PHF20L1: variants seen among roughly 807,000 people sequenced by gnomAD.
PHF20L1 encodes PHD finger protein 20-like protein 1.
A neutral mutation model predicts 125.5 loss-of-function variants in PHF20L1; 44 were observed. The observed-to-expected ratio is 0.35, with a 90% CI of 0.28 to 0.45. The LOEUF is 0.45. Ranked by LOEUF, PHF20L1 falls within the 20% of genes least tolerant of loss-of-function variation. The pLI is 1.00. For missense variants in PHF20L1, 1,012 were observed against 1,217.2 expected (o/e 0.83, Z 2.51); for synonymous variants, 380 against 403.1 (o/e 0.94, Z 0.69).
intron 2 of PHF20L1, among the ~76,000 whole-genome samples, chr8:132,790,470 A>G (rs1831558395): frequency 6.6e-6 from 1 of 152,188 alleles, no homozygotes; most frequent in African/African-American, 2.4e-5. Context: ...TGTTTTCTGT[A>G]GAATAAAGGA....
At chr8:132,799,636 A>G (rs1388099072) in intron 6 of PHF20L1, 2 of 153,280 alleles carry the variant, frequency 1.3e-5, no homozygotes, top group East Asian at 3.8e-4. Context: ...CTAATATGGA[A>G]ATATGCTACG....
intron 1 of PHF20L1, among the ~76,000 whole-genome samples, chr8:132,775,979 A>G (rs907408618): frequency 6.6e-6 from 1 of 151,862 alleles, no homozygotes; most frequent in African/African-American, 2.4e-5. Context: ...ATTGCTTTAC[A>G]TTGTCGGTCT....
At chr8:132,788,410 CTT>C (rs1322753611) in intron 2 of PHF20L1, among the ~76,000 whole-genome samples, 1 of 152,060 alleles carries the variant, frequency 6.6e-6, no homozygotes, top group African/African-American at 2.4e-5. Context: ...TGATATGGTG[CTT>C]ATTCAAATAA....
chr8:132,843,163 T>A (rs1838100020), intron 19 of PHF20L1: 3 of 1,074,722 alleles, frequency 2.8e-6, no homozygotes, highest in Non-Finnish European at 3.4e-6. Flanking sequence ...AACCACATTG[T>A]ATTCAAAACG....
rs1832780376 is a variant in PHF20L1, at chr8:132,799,389, G to A, written c.507+217G>A. The A allele has an allele frequency of 1.0e-5, 4 of 390,972 alleles. No individual in the cohort carries two copies. In the Admixed American group the frequency reaches 1.1e-4, roughly 11 times the overall value. The allele number at this position is 390,972 out of a possible 1,614,324, so 24.2% of individuals were successfully genotyped here. ...CTCTGAGTCATGTGATGGAAGCAGTGTATTGTATGCTTTGTCACTGCTCAA... is the reference window on the plus strand; with the variant it reads ...CTCTGAGTCATGTGATGGAAGCAGTATATTGTATGCTTTGTCACTGCTCAA... On this transcript the variant is annotated intron_variant, in intron 6 of 20. Coordinates refer to ENST00000395386, the MANE Select transcript of PHF20L1 (RefSeq NM_016018.5).
chr8:132,807,650 CT>C, intron 8 of PHF20L1: 1 of 444,040 alleles, frequency 2.3e-6, no homozygotes, highest in Non-Finnish European at 4.5e-6. Context: ...AATGTAACCA[CT>C]TTGCTCTTTC....
At chr8:132,826,598 TAAA>T (rs1466397209) in intron 14 of PHF20L1, 1 of 151,986 alleles carries the variant, frequency 6.6e-6, no homozygotes, top group Non-Finnish European at 1.5e-5. Flanking sequence ...TATATAAAGA[TAAA>T]AAAGTTTTAA....
chr8:132,801,024 A>G (rs972406553), intron 6 of PHF20L1, among the ~76,000 whole-genome samples: 1 of 151,516 alleles, frequency 6.6e-6, no homozygotes, highest in African/African-American at 2.4e-5. Flanking sequence ...AAACTGACAT[A>G]TATTATAGGA....
At chr8:132,806,458 A>G (rs867407318) in intron 8 of PHF20L1, 1 of 152,040 alleles carries the variant, frequency 6.6e-6, no homozygotes, top group Non-Finnish European at 1.5e-5. Flanking sequence ...TCTCAAATGA[A>G]TAAGTTACAG....
At position 132,814,831 on chromosome 8, in the gene PHF20L1, A is replaced by G. The variant is rs1210027768; in HGVS notation, c.1125A>G (p.Ile375Met). 10 of 1,610,908 alleles carry G rather than the reference A, an allele frequency of 6.2e-6. No homozygotes were observed. The highest frequency in any genetic ancestry group is 5.9e-6 in the Non-Finnish European group (7 of 1,177,494). The change falls in exon 10 of 21, where the codon ATA (isoleucine) becomes ATG (methionine). Residue 375 changes from isoleucine (I) to methionine (M), a missense_variant. Ile to Met is a conservative substitution (Grantham distance 10). Around this residue, in one of 7 missense-constraint regions of PHF20L1, gnomAD observed 119 missense variants for 160.2 expected, o/e 0.74. Coordinates refer to ENST00000395386, the MANE Select transcript of PHF20L1 (RefSeq NM_016018.5). The part of the protein sequence containing the change: ...PPKSPLSPEL[I>M]QVEDLTLVSQ... ...AATCACCACTTTCCCCAGAATTAAT[A>G]CAAGTCGAGGATTTGACGCTTGTAT...
In PHF20L1 at chr8:132,780,205, C is replaced by T. The variant is rs2433049; in HGVS notation, c.83+2294C>T. On this transcript the variant is annotated intron_variant, in intron 2 of 20. Transcript: ENST00000395386. The stretch of plus-strand genomic sequence containing the variant: ...CAAGAACTAGTTAGGCTTAGGTGCC[C>T]CTTAAATTTAGTATTAGGTGGTGTG... 2.2e-3 allele frequency among the ~76,000 whole-genome samples: 338 copies of T among 152,008 alleles called. 2 individuals are homozygous for T. Among genetic ancestry groups the T allele is most frequent in the Non-Finnish European group, 3.9e-3 (268 of 67,950 alleles).
intron 2 of PHF20L1, among the ~76,000 whole-genome samples, chr8:132,789,947 C>T (rs370674334): frequency 6.6e-6 from 1 of 152,156 alleles, no homozygotes; most frequent in South Asian, 2.1e-4. Flanking sequence ...CTCTTTATCT[C>T]TAATCATTGT....
rs1838483690 is a variant in PHF20L1 at position 132,847,245 on chromosome 8, T to C, written c.*1322T>C. 6.6e-6 allele frequency: 1 copy of C among 152,586 alleles called. No homozygotes were observed. Among genetic ancestry groups the C allele is most frequent in the Non-Finnish European group, 1.5e-5 (1 of 68,012 alleles). 9.5% of individuals were successfully genotyped at this position (152,586 alleles called of 1,614,324 possible). A position where few individuals can be genotyped will look rare whatever the true frequency, so the allele number is the denominator to read the frequency against. On this transcript the variant is annotated 3_prime_UTR_variant, in exon 21 of 21. Coordinates refer to ENST00000395386, the MANE Select transcript of PHF20L1 (RefSeq NM_016018.5). The stretch of plus-strand genomic sequence containing the variant: ...TATCTAGTTTTATTACTATAGACTA[T>C]ACGAATTGGTGGTTAACATGAAATG...
chr8:132,781,104 G>A lies in PHF20L1; in HGVS notation c.83+3193G>A, dbSNP rs377036974. Among the ~76,000 whole-genome samples the A allele has an allele frequency of 9.2e-5, 14 of 152,176 alleles. No individual in the cohort carries two copies. In the East Asian group the frequency reaches 1.7e-3, roughly 19 times the overall value. On this transcript the variant is annotated intron_variant, in intron 2 of 20. Transcript: ENST00000395386. ...GGCCTCAAATGATCCTCCCACCTCA[G>A]CCTCCCAAAGTGTACTCCTGGCTGG...
chr8:132,812,193 A>G, intron 9 of PHF20L1: 2 of 978,244 alleles, frequency 2.0e-6, no homozygotes, highest in South Asian at 4.7e-5. Flanking sequence ...AACTTTTTTT[A>G]CTGTGTATTA....
At chr8:132,841,841 G>T (rs1837964839) in intron 18 of PHF20L1, 1 of 152,058 alleles carries the variant, frequency 6.6e-6, no homozygotes, top group Admixed American at 6.6e-5. Flanking sequence ...ACACACACAG[G>T]TACACAAACA....
rs1838171743 is a variant in PHF20L1 at position 132,843,729 on chromosome 8, G to A, written c.2749-427G>A. On this transcript the variant is annotated intron_variant, in intron 19 of 20. Coordinates refer to ENST00000395386, the MANE Select transcript of PHF20L1 (RefSeq NM_016018.5). The stretch of plus-strand genomic sequence containing the variant: ...GTACTATAACAGTAAAGTCCAGTCT[G>A]TAGTTAATTAGATTTTATACTGGTC... 7.1e-6 allele frequency: 7 copies of A among 984,942 alleles called. No homozygotes were observed. In the African/African-American group the frequency reaches 1.2e-4, roughly 17 times the overall value. The allele number at this position is 984,942 out of a possible 1,614,324, so 61.0% of individuals were successfully genotyped here. A position where few individuals can be genotyped will look rare whatever the true frequency, so the allele number is the denominator to read the frequency against.
Position 132,842,747 on chromosome 8 carries a change from A to G in PHF20L1, c.2620A>G (p.Lys874Glu). 1 of 1,613,430 alleles carries G rather than the reference A, an allele frequency of 6.2e-7. No individual in the cohort carries two copies. The highest frequency in any genetic ancestry group is 8.5e-7 in the Non-Finnish European group (1 of 1,179,596). The change falls in exon 19 of 21, where the codon AAA becomes GAA. Residue 874 changes from lysine to glutamate, a missense_variant. Around this residue, in one of 7 missense-constraint regions of PHF20L1, gnomAD observed 277 missense variants for 283.6 expected, o/e 0.98. Transcript: ENST00000395386. The stretch of plus-strand genomic sequence containing the variant: ...GCCACAAAGTTTTGGTCAGGACTGT[A>G]AATCTCTCGCAGACCCTGGGAGCTC... ...QKPQSFGQDC[K>E]SLADPGSSDD...
intron 10 of PHF20L1, 67 bp downstream of exon 10, chr8:132,814,956 G>T: frequency 8.3e-7 from 1 of 1,210,260 alleles, no homozygotes; most frequent in South Asian, 1.7e-5. Context: ...TTTGATTGTA[G>T]TTATATTGTA....
Sources: gnomAD v4.1 joint callset for allele counts (sites outside exome capture counted in the v4.1 genomes callset) on GRCh38, gnomAD v4.1.1 for gene constraint, gnomAD v4.1.1 regional missense constraint, MANE v1.5 for transcripts, NCBI Gene and HGNC (gene_info 2026-07-23, HGNC 2026-07-21) for gene names.